The following LAMA5 variants were observed in gnomAD, a reference collection of about 807,000 sequenced individuals.
LAMA5 encodes the protein laminin subunit alpha-5.
LAMA5 carries 260 observed loss-of-function variants against 433.4 expected under a neutral mutation model. That is an observed-to-expected ratio of 0.60 (90% CI 0.54 to 0.66). The LOEUF is 0.66. LAMA5 is among the 30% of genes least tolerant of loss of function. The probability of loss-of-function intolerance (pLI) is 0.00; values close to 1 mark genes in which losing one functional copy is unlikely to be tolerated. For synonymous variants in LAMA5, 2,620 were observed against 2,226.6 expected (o/e 1.18, Z -4.97); for missense variants, 5,378 against 5,258.5 (o/e 1.02, Z -0.70).
chr20:62,322,397 C>A lies in LAMA5; in HGVS notation c.6218G>T (p.Gly2073Val). 2 of 1,594,284 alleles carry A rather than the reference C, an allele frequency of 1.3e-6. No individual in the cohort carries two copies. Among genetic ancestry groups the A allele is most frequent in the Admixed American group, 1.8e-5 (1 of 57,140 alleles). Residue 2073 changes from glycine (G) to valine (V), a missense_variant, in exon 47 of 80, where the codon GGA becomes GTA. Gly to Val is a moderately radical substitution (Grantham distance 109). Transcript: ENST00000252999. The part of the protein sequence containing the change: ...GCGGCRPCAC[G>V]PAAEGSECHP... Reference sequence around the variant, plus strand: ...GCACTCGGAGCCCTCGGCGGCCGGTCCACAAGCACACGGGCGGCAGCCCCC... The same window carrying A: ...GCACTCGGAGCCCTCGGCGGCCGGTACACAAGCACACGGGCGGCAGCCCCC...
At chr20:62,352,748 A>C (rs528253295) in intron 3 of LAMA5, among the ~76,000 whole-genome samples, 1 of 152,256 alleles carries the variant, frequency 6.6e-6, no homozygotes, top group South Asian at 2.1e-4. Flanking sequence ...TCAGGGTGGC[A>C]CGGGGCCAGG....
chr20:62,354,325 G>GCTTC (rs1168560856), intron 2 of LAMA5, among the ~76,000 whole-genome samples: 35 of 93,618 alleles, frequency 3.7e-4, no homozygotes, highest in African/African-American at 9.5e-4. Context: ...ATCAGCCTGG[G>GCTTC]CTTCCCTCCC....
Position 62,335,042 on chromosome 20 carries a change from C to A in LAMA5, c.2461G>T (p.Ala821Ser). 1 of 1,612,924 alleles carries A rather than the reference C, an allele frequency of 6.2e-7. No homozygotes were observed. Among genetic ancestry groups the A allele is most frequent in the African/African-American group, 1.3e-5 (1 of 74,998 alleles). ...CKDGFFGLDQ[A>S]DYFGCRSCRC... Reference sequence around the variant, plus strand: ...TCACTGCGGCAGCCAAAATAGTCAGCCTGATCCAGTCCAAAGAAGCCATCC... The same window carrying A: ...TCACTGCGGCAGCCAAAATAGTCAGACTGATCCAGTCCAAAGAAGCCATCC... Residue 821 changes from alanine to serine, a missense_variant, in exon 20 of 80, where the codon GCT becomes TCT. Physicochemically the swap from Ala to Ser is moderately conservative, Grantham distance 99. Transcript: ENST00000252999.
At chr20:62,319,218 A>T in intron 51 of LAMA5, 1 of 585,458 alleles carries the variant, frequency 1.7e-6, no homozygotes. Context: ...CAGTGCCTCC[A>T]ACACCCTGAC....
At chr20:62,317,246 C>T in intron 55 of LAMA5, 99 bp downstream of exon 55, 3 of 1,335,596 alleles carry the variant, frequency 2.2e-6, no homozygotes, top group South Asian at 1.5e-5. Context: ...AGGACAACGG[C>T]CTCAGCCCCT....
rs746523910 is a variant in LAMA5 at position 62,322,133 on chromosome 20, T to C, written c.6382A>G (p.Thr2128Ala). 1 of 1,602,510 alleles carries C rather than the reference T, an allele frequency of 6.2e-7. No individual in the cohort carries two copies. The highest frequency in any genetic ancestry group is 2.2e-5 in the East Asian group (1 of 44,748). ...QCPGGRCDPH[T>A]GRCNCPPGLS... Reference sequence around the variant, plus strand: ...CCCGGGGGGCAGTTGCAGCGGCCCGTGTGAGGGTCACAGCGGCCCCCAGGG... The same window carrying C: ...CCCGGGGGGCAGTTGCAGCGGCCCGCGTGAGGGTCACAGCGGCCCCCAGGG... The change falls in exon 48 of 80, where the codon ACG (threonine) becomes GCG (alanine). Residue 2128 changes from threonine (T) to alanine (A), a missense_variant. By Grantham distance (58) the Thr-to-Ala change is moderately conservative (BLOSUM62 0). Coordinates refer to ENST00000252999, the MANE Select transcript of LAMA5 (RefSeq NM_005560.6).
At chr20:62,309,684 G>A (rs1346165002) in intron 79 of LAMA5, 32 bp downstream of exon 79, 2 of 1,505,370 alleles carry the variant, frequency 1.3e-6, no homozygotes, top group African/African-American at 1.5e-5. Context: ...CTGAGGGGCA[G>A]CTCCCCCACC....
intron 63 of LAMA5, 75 bp from the exon 64 acceptor site, chr20:62,313,535 A>T: frequency 6.4e-7 from 1 of 1,559,558 alleles, no homozygotes; most frequent in Non-Finnish European, 8.7e-7. Context: ...GGGACTTCAG[A>T]CTACAGCAGG....
chr20:62,353,326 T>G (rs1984660068), intron 2 of LAMA5, 75 bp from the exon 3 acceptor site: 1 of 1,101,756 alleles, frequency 9.1e-7, no homozygotes, highest in Non-Finnish European at 1.3e-6. Context: ...GCTCATTTTC[T>G]GCCCCTCAGG....
intron 25 of LAMA5, 48 bp downstream of exon 25, chr20:62,333,327 G>A: frequency 1.2e-6 from 2 of 1,604,018 alleles, no homozygotes; most frequent in Admixed American, 1.7e-5. Flanking sequence ...GGCACAGTGG[G>A]GGTCCAGGAA....
intron 1 of LAMA5, among the ~76,000 whole-genome samples, chr20:62,363,397 T>A (rs1986374086): frequency 6.6e-6 from 1 of 152,058 alleles, no homozygotes; most frequent in African/African-American, 2.4e-5. Context: ...GAGTAATGGC[T>A]CACACACACA....
rs149570905 is a variant in LAMA5, at chr20:62,325,434, G to C, written c.5411C>G (p.Ser1804Trp). 3 of 1,612,442 alleles carry C rather than the reference G, an allele frequency of 1.9e-6. No homozygotes were observed. The Admixed American group carries it at 5.0e-5, about 27-fold the overall frequency. Residue 1804 changes from serine (S) to tryptophan (W), a missense_variant, in exon 41 of 80, where the codon TCG (serine) becomes TGG (tryptophan). Coordinates refer to ENST00000252999, the MANE Select transcript of LAMA5 (RefSeq NM_005560.6). ...QIRALFSQIS[S>W]AVFLRRVALE... ...TGCCACCCTGCGCAGGAAGACAGCC[G>C]AGGAGATCTGTGAGAAGAGGGCACG...
At chr20:62,357,019 G>A (rs1985338752) in intron 2 of LAMA5, among the ~76,000 whole-genome samples, 3 of 152,178 alleles carry the variant, frequency 2.0e-5, no homozygotes, top group South Asian at 2.1e-4. Flanking sequence ...TGGGGCTTTC[G>A]GGGACCCTGG....
chr20:62,312,562 C>A, intron 67 of LAMA5, 30 bp from the exon 68 acceptor site: 2 of 1,598,788 alleles, frequency 1.3e-6, no homozygotes, highest in Non-Finnish European at 1.7e-6. Flanking sequence ...CGGGTCAGGG[C>A]GCCACCTCCA....
At chr20:62,330,394 C>A in intron 31 of LAMA5, 94 bp downstream of exon 31, 2 of 1,411,720 alleles carry the variant, frequency 1.4e-6, no homozygotes, top group South Asian at 3.0e-5. Flanking sequence ...TGTTGCCTGT[C>A]GCTCATAGCA....
Position 62,310,738 on chromosome 20 carries a change from C to T in LAMA5, c.10373G>A (p.Gly3458Glu), listed in dbSNP as rs778849502. ...SQEGPHRQHQGAEHPQPHTLF... is the reference protein window; with the variant it reads ...SQEGPHRQHQEAEHPQPHTLF... ...GGTGTGGGGCTGGGGGTGCTCTGCC[C>T]CCTGGTGCTGCCGGTGCGGCCCCTC... is the stretch of plus-strand genomic sequence containing the variant. The change falls in exon 75 of 80, where the codon GGG becomes GAG. Residue 3458 changes from glycine (G) to glutamate (E), a missense_variant. Physicochemically the swap from Gly to Glu is moderately conservative, Grantham distance 98. Coordinates refer to ENST00000252999, the MANE Select transcript of LAMA5 (RefSeq NM_005560.6). 1 of 1,582,956 alleles carries T rather than the reference C, an allele frequency of 6.3e-7. No individual in the cohort carries two copies. The highest frequency in any genetic ancestry group is 1.2e-5 in the South Asian group (1 of 86,880).
chr20:62,345,974 C>T, intron 10 of LAMA5, 97 bp from the exon 11 acceptor site: 4 of 1,577,178 alleles, frequency 2.5e-6, no homozygotes, highest in East Asian at 2.3e-5. Context: ...ATCGGAGATG[C>T]AGGCAGGATA....
chr20:62,329,842 G>C lies in LAMA5; in HGVS notation c.4054C>G (p.Leu1352Val). 6.2e-7 allele frequency: 1 copy of C among 1,612,454 alleles called. No individual in the cohort carries two copies. Among genetic ancestry groups the C allele is most frequent in the Non-Finnish European group, 8.5e-7 (1 of 1,179,834 alleles). Reference protein sequence around the residue: ...TLVVCEGQALLDVTHSELTVT... With the variant: ...TLVVCEGQALVDVTHSELTVT... Reference sequence around the variant, plus strand: ...GTGAGCTCGCTGTGGGTCACGTCCAGCAGGGCCTGGCCCTCACACACCACC... The same window carrying C: ...GTGAGCTCGCTGTGGGTCACGTCCACCAGGGCCTGGCCCTCACACACCACC... The change falls in exon 32 of 80, where the codon CTG (leucine) becomes GTG (valine). Residue 1352 changes from leucine to valine, a missense_variant. Transcript: ENST00000252999.
In LAMA5 at chr20:62,314,345, A is replaced by G. The variant is rs1293968948; in HGVS notation, c.8463T>C (p.Asp2821=). ...CTGCGAACTGCTCCCCAATGTCCTC[A>G]TCGATGCTTAGGACTGCAGGGCCCG... ...GEAGPAVLSI[D]EDIGEQFAAV... is the part of the protein sequence containing the mutation. Residue 2821 remains aspartate (D), a synonymous_variant, in exon 62 of 80, where the codon GAT becomes GAC. Coordinates refer to ENST00000252999, the MANE Select transcript of LAMA5 (RefSeq NM_005560.6). 3.7e-6 allele frequency: 6 copies of G among 1,613,282 alleles called. No homozygotes were observed. In the Admixed American group the frequency reaches 6.7e-5, roughly 18 times the overall value.
Sources: gnomAD v4.1 joint callset for allele counts (sites outside exome capture counted in the v4.1 genomes callset) on GRCh38, gnomAD v4.1.1 for gene constraint, MANE v1.5 for transcripts, NCBI Gene and HGNC (gene_info 2026-07-23, HGNC 2026-07-21) for gene names.